CD2AP: variants seen among roughly 807,000 people sequenced by gnomAD.
The protein encoded by CD2AP is CD2-associated protein.
CD2AP carries 46 observed loss-of-function variants against 85.1 expected under a neutral mutation model. The ratio of observed to expected loss-of-function variants is 0.54; its 90% CI spans 0.43 to 0.69. CD2AP has a LOEUF of 0.69. CD2AP is among the 30% of genes least tolerant of loss of function. CD2AP has a pLI of 0.00. For synonymous variants in CD2AP, 255 were observed against 252.9 expected (o/e 1.01, Z -0.08); for missense variants, 769 against 729.5 (o/e 1.05, Z -0.62).
chr6:47,582,283 CTTTA>C, intron 11 of CD2AP: 1 of 450,536 alleles, frequency 2.2e-6, no homozygotes, highest in Non-Finnish European at 4.1e-6. Context: ...AGGATGTTGT[CTTTA>C]TTCAGTTATT....
chr6:47,569,183 G>A (rs1358023106), intron 5 of CD2AP, among the ~76,000 whole-genome samples: 1 of 152,080 alleles, frequency 6.6e-6, no homozygotes, highest in East Asian at 1.9e-4. Flanking sequence ...TCTTAAAAAG[G>A]AAAAGTGTTG....
intron 3 of CD2AP, among the ~76,000 whole-genome samples, chr6:47,540,190 A>G (rs925488552): frequency 6.6e-6 from 1 of 151,446 alleles, no homozygotes; most frequent in South Asian, 2.1e-4. Context: ...AAAAAAAAAA[A>G]AAAGAAAAAA....
chr6:47,490,144 T>TA (rs1368816308), intron 1 of CD2AP, among the ~76,000 whole-genome samples: 2 of 152,002 alleles, frequency 1.3e-5, no homozygotes, highest in Non-Finnish European at 1.5e-5. Context: ...CTGGCTAATT[T>TA]AAAAAAATAA....
chr6:47,622,224 T>G (rs1277826462), intron 17 of CD2AP, among the ~76,000 whole-genome samples: 2 of 152,154 alleles, frequency 1.3e-5, no homozygotes, highest in African/African-American at 2.4e-5. Context: ...TTCCAGACAG[T>G]GGGCGAGATG....
At chr6:47,516,259 C>T (rs1409323514) in intron 2 of CD2AP, among the ~76,000 whole-genome samples, 7 of 152,190 alleles carry the variant, frequency 4.6e-5, no homozygotes, top group Non-Finnish European at 8.8e-5. Flanking sequence ...GCACAACCTT[C>T]TGGGCTGCTT....
intron 5 of CD2AP, among the ~76,000 whole-genome samples, chr6:47,572,765 A>C (rs998072250): frequency 1.3e-5 from 2 of 152,176 alleles, no homozygotes; most frequent in Admixed American, 6.5e-5. Context: ...TTTATTTGTA[A>C]AATGAGGAGT....
At chr6:47,492,222 T>G (rs1469051106) in intron 1 of CD2AP, among the ~76,000 whole-genome samples, 1 of 152,196 alleles carries the variant, frequency 6.6e-6, no homozygotes, top group Non-Finnish European at 1.5e-5. Flanking sequence ...AACAGAAATT[T>G]ATTGCTCACA....
intron 1 of CD2AP, among the ~76,000 whole-genome samples, chr6:47,481,687 GAT>G (rs1765448617): frequency 6.6e-6 from 1 of 152,158 alleles, no homozygotes; most frequent in East Asian, 1.9e-4. Flanking sequence ...TGGTTTAGAT[GAT>G]ATATGCACTT....
intron 8 of CD2AP, among the ~76,000 whole-genome samples, chr6:47,577,413 A>T (rs899883547): frequency 3.3e-5 from 5 of 151,772 alleles, no homozygotes; most frequent in Non-Finnish European, 7.4e-5. Flanking sequence ...TTTTATTCTT[A>T]CTTCTCTTCC....
chr6:47,529,680 A>T (rs1322332015), intron 2 of CD2AP, among the ~76,000 whole-genome samples: 5 of 152,226 alleles, frequency 3.3e-5, no homozygotes, highest in African/African-American at 1.2e-4. Flanking sequence ...TGTGACCCAG[A>T]GGTATGCCAC....
intron 5 of CD2AP, chr6:47,562,626 A>T: frequency 2.2e-6 from 1 of 457,020 alleles, no homozygotes; most frequent in South Asian, 4.2e-5. Flanking sequence ...GTGGTAGAAG[A>T]GGGTATTGTT....
intron 1 of CD2AP, among the ~76,000 whole-genome samples, chr6:47,481,408 C>T (rs765258162): frequency 2.6e-5 from 4 of 151,976 alleles, no homozygotes; most frequent in African/African-American, 7.3e-5. Flanking sequence ...TGCTGTGGTG[C>T]GATCTCGGCT....
At chr6:47,499,790 A>G (rs1032252745) in intron 1 of CD2AP, among the ~76,000 whole-genome samples, 1 of 152,120 alleles carries the variant, frequency 6.6e-6, no homozygotes, top group Admixed American at 6.5e-5. Flanking sequence ...TCGCAGTGGC[A>G]CGACCTCGGC....
intron 12 of CD2AP, among the ~76,000 whole-genome samples, chr6:47,598,302 G>A (rs1318361750): frequency 6.6e-6 from 1 of 150,998 alleles, no homozygotes; most frequent in Non-Finnish European, 1.5e-5. Flanking sequence ...ACTGCTGGTG[G>A]GAATGTAAAC....
chr6:47,568,187 G>A (rs12210152), intron 5 of CD2AP, among the ~76,000 whole-genome samples: 50,668 of 152,034 alleles, frequency 0.33, 9,316 homozygotes, highest in Middle Eastern at 0.52. Flanking sequence ...AGATGATGAT[G>A]TATCGTTAAA....
chr6:47,613,322 G>A (rs1223291299), intron 17 of CD2AP, among the ~76,000 whole-genome samples: 3 of 152,098 alleles, frequency 2.0e-5, no homozygotes, highest in Non-Finnish European at 4.4e-5. Flanking sequence ...GGCAGCTATA[G>A]CCTTCCAAAA....
At chr6:47,579,285 T>A (rs1768400002) in intron 8 of CD2AP, 100 bp from the exon 9 acceptor site, 2 of 731,226 alleles carry the variant, frequency 2.7e-6, no homozygotes, top group Non-Finnish European at 4.8e-6. Flanking sequence ...CAGTGAGTCA[T>A]GATCGCATCA....
At chr6:47,502,493 GTTT>G (rs370906372) in intron 1 of CD2AP, among the ~76,000 whole-genome samples, 1 of 129,456 alleles carries the variant, frequency 7.7e-6, no homozygotes, top group African/African-American at 2.8e-5. Context: ...GAACTCCTGA[GTTT>G]TTTTTTTTTT....
chr6:47,578,482 G>C (rs569594227), intron 8 of CD2AP, among the ~76,000 whole-genome samples: 2 of 152,088 alleles, frequency 1.3e-5, no homozygotes, highest in Non-Finnish European at 2.9e-5. Flanking sequence ...GAAGTTACTG[G>C]GATTACAAAG....
Sources: gnomAD v4.1 joint callset for allele counts (sites outside exome capture counted in the v4.1 genomes callset) on GRCh38, gnomAD v4.1.1 for gene constraint, MANE v1.5 for transcripts, NCBI Gene and HGNC (gene_info 2026-07-23, HGNC 2026-07-21) for gene names.